Variants in AGBL1 observed in about 807,000 individuals in gnomAD.
AGBL1 encodes the protein AGBL carboxypeptidase 1, also known as cytosolic carboxypeptidase 4.
In AGBL1, 130 loss-of-function variants were observed where a neutral mutation model predicts 118.9. The ratio of observed to expected loss-of-function variants is 1.09; its 90% CI spans 0.95 to 1.26. The LOEUF is 1.26. Among genes scored for constraint, AGBL1 ranks in the 50% most tolerant of loss-of-function variants. AGBL1 has a pLI of 0.00. For synonymous variants in AGBL1, 555 were observed against 478.9 expected, an observed-to-expected ratio of 1.16 and a Z score of -2.08; for missense variants, 1,584 against 1,298.1, an observed-to-expected ratio of 1.22 and a Z score of -3.38.
intron 18 of AGBL1, among the ~76,000 whole-genome samples, chr15:86,413,842 T>C (rs1445840314): frequency 2.6e-5 from 4 of 152,182 alleles, no homozygotes; most frequent in African/African-American, 9.6e-5. Context: ...ACTCTGTTGA[T>C]TATTTCTTTT....
chr15:86,482,797 T>G (rs1043926187), intron 18 of AGBL1, among the ~76,000 whole-genome samples: 17 of 152,052 alleles, frequency 1.1e-4, no homozygotes, highest in Non-Finnish European at 1.6e-4. Context: ...TTTCAATCAT[T>G]TTGCTTTACA....
chr15:86,989,128 A>G (rs138824403), intron 24 of AGBL1, among the ~76,000 whole-genome samples: 34 of 151,890 alleles, frequency 2.2e-4, no homozygotes, highest in Middle Eastern at 3.4e-3. Flanking sequence ...CAGCCTCTCA[A>G]GTAGCTGGGA....
chr15:86,239,848 C>T (rs2078613624), intron 6 of AGBL1, among the ~76,000 whole-genome samples: 1 of 152,092 alleles, frequency 6.6e-6, no homozygotes, highest in Non-Finnish European at 1.5e-5. Flanking sequence ...TACATAGGTG[C>T]AAAGAATGTG....
At chr15:86,988,351 T>C (rs1424015802) in intron 24 of AGBL1, 1 of 296,792 alleles carries the variant, frequency 3.4e-6, no homozygotes, top group East Asian at 6.6e-5. Context: ...TGCCAGTAGA[T>C]GTTGATCTCA....
intron 22 of AGBL1, among the ~76,000 whole-genome samples, chr15:86,807,448 G>T (rs753478061): frequency 6.6e-6 from 1 of 152,140 alleles, no homozygotes; most frequent in Non-Finnish European, 1.5e-5. Flanking sequence ...GATGACAACA[G>T]TGGTAGCGCA....
At chr15:86,087,856 C>T (rs1440602359) in intron 1 of AGBL1, among the ~76,000 whole-genome samples, 2 of 152,196 alleles carry the variant, frequency 1.3e-5, no homozygotes, top group East Asian at 3.9e-4. Flanking sequence ...CAATAGATTT[C>T]CTCAGGTGTA....
intron 1 of AGBL1, among the ~76,000 whole-genome samples, chr15:86,102,631 G>T (rs1028056512): frequency 6.6e-6 from 1 of 152,150 alleles, no homozygotes; most frequent in South Asian, 2.1e-4. Flanking sequence ...GGCCTGTAAG[G>T]TTTCTGTTGA....
rs778089796 is a variant in AGBL1, at chr15:86,546,110, A to G, written c.2794A>G (p.Ile932Val). The stretch of plus-strand genomic sequence containing the variant: ...AGCATGCACTGTGGGCACATCTACT[A>G]TCCTAGAGGAGGTCAACTACAGGGT... Reference protein sequence around the residue: ...QAACTVGTSTILEEVNYRTLP... With the variant: ...QAACTVGTSTVLEEVNYRTLP... The change falls in exon 20 of 23, where the codon ATC becomes GTC. Residue 932 changes from isoleucine to valine, a missense_variant. Coordinates refer to ENST00000614907, the MANE Select transcript of AGBL1 (RefSeq NM_001386094.1). The G allele has an allele frequency of 3.1e-6, 5 of 1,612,968 alleles. No homozygotes were observed. Among genetic ancestry groups the G allele is most frequent in the Admixed American group, 3.3e-5 (2 of 59,890 alleles).
chr15:86,560,968 C>G (rs1325135362), intron 21 of AGBL1, among the ~76,000 whole-genome samples: 1 of 152,170 alleles, frequency 6.6e-6, no homozygotes, highest in Non-Finnish European at 1.5e-5. Context: ...ATATCATTTG[C>G]CCACTTTTTG....
chr15:86,553,624 C>G (rs1012103013), intron 20 of AGBL1, among the ~76,000 whole-genome samples: 1 of 152,164 alleles, frequency 6.6e-6, no homozygotes, highest in South Asian at 2.1e-4. Context: ...AATAAGTGAA[C>G]AGTCCCTAGT....
At chr15:86,101,678 A>G (rs1173099570) in intron 1 of AGBL1, among the ~76,000 whole-genome samples, 3 of 144,284 alleles carry the variant, frequency 2.1e-5, no homozygotes, top group South Asian at 2.2e-4. Flanking sequence ...TTTATCTGCT[A>G]TAAGTATAGC....
intron 22 of AGBL1, among the ~76,000 whole-genome samples, chr15:86,731,433 G>C (rs1486499685): frequency 6.6e-6 from 1 of 152,114 alleles, no homozygotes; most frequent in Non-Finnish European, 1.5e-5. Context: ...ATTGTGCTGC[G>C]ATCTTTCTGC....
At chr15:86,092,153 T>C (rs1896073314) in intron 1 of AGBL1, among the ~76,000 whole-genome samples, 2 of 152,228 alleles carry the variant, frequency 1.3e-5, no homozygotes, top group Middle Eastern at 3.4e-3. Context: ...GAATCACATA[T>C]ACGTTTGAAA....
At chr15:86,620,947 C>T (rs2142410335) in intron 21 of AGBL1, among the ~76,000 whole-genome samples, 1 of 152,248 alleles carries the variant, frequency 6.6e-6, no homozygotes, top group Admixed American at 6.5e-5. Context: ...TCTTTCCCTC[C>T]AGTTAAATCT....
At chr15:86,084,963 A>AT (rs1453906666) in intron 1 of AGBL1, among the ~76,000 whole-genome samples, 1 of 152,184 alleles carries the variant, frequency 6.6e-6, no homozygotes, top group African/African-American at 2.4e-5. Flanking sequence ...CTACTTATTG[A>AT]TTTTTTATAA....
chr15:86,104,073 C>A (rs1034246223), intron 1 of AGBL1, among the ~76,000 whole-genome samples: 6 of 152,182 alleles, frequency 3.9e-5, no homozygotes, highest in South Asian at 4.1e-4. Context: ...GTGCTGGTAG[C>A]TGCAGATTGA....
At chr15:86,138,939 G>A (rs1347223326) in intron 1 of AGBL1, among the ~76,000 whole-genome samples, 1 of 152,126 alleles carries the variant, frequency 6.6e-6, no homozygotes, top group Non-Finnish European at 1.5e-5. Flanking sequence ...CATTTTCAAA[G>A]GGCTAGAGTC....
intron 18 of AGBL1, among the ~76,000 whole-genome samples, chr15:86,448,506 C>G (rs2082154889): frequency 6.6e-6 from 1 of 152,178 alleles, no homozygotes; most frequent in African/African-American, 2.4e-5. Flanking sequence ...ACCTCCCCAC[C>G]CATTGTCAGT....
chr15:86,225,056 TAC>T, intron 6 of AGBL1, 105 bp downstream of exon 6: 1 of 1,108,396 alleles, frequency 9.0e-7, no homozygotes, highest in Non-Finnish European at 1.3e-6. Context: ...TTTCATGAAC[TAC>T]TATTTCTCAA....
Sources: allele counts gnomAD v4.1 joint callset (sites outside exome capture counted in the v4.1 genomes callset), GRCh38; gene constraint gnomAD v4.1.1; transcripts MANE v1.5; gene names NCBI Gene and HGNC (gene_info 2026-07-23, HGNC 2026-07-21).